The following ZBTB48 variants were observed in gnomAD, a reference collection of about 807,000 sequenced individuals.
ZBTB48 encodes the protein zinc finger and BTB domain-containing protein 48.
Under a neutral mutation model 64.5 loss-of-function variants are expected in ZBTB48, and 35 were observed. The observed-to-expected ratio is 0.54, with a 90% CI of 0.41 to 0.72. The LOEUF (loss-of-function observed/expected upper bound fraction) is 0.72, where lower values mean the gene tolerates loss of function less well. Among genes scored for constraint, ZBTB48 ranks in the 30% least tolerant of loss-of-function variants. ZBTB48 has a pLI of 0.00. For synonymous variants in ZBTB48, 442 were observed against 356.7 expected (o/e 1.24, Z -2.70); for missense variants, 828 against 895.3 (o/e 0.92, Z 0.96).
chr1:6,581,986 G>A, intron 2 of ZBTB48, 72 bp from the exon 3 acceptor site: 1 of 1,589,026 alleles, frequency 6.3e-7, no homozygotes, highest in Middle Eastern at 1.9e-4. Flanking sequence ...GATGGAACTG[G>A]AGCTGGGTCC....
intron 7 of ZBTB48, among the ~76,000 whole-genome samples, 193 bp from the exon 8 acceptor site, chr1:6,587,867 G>T (rs1317930038): frequency 6.6e-6 from 1 of 152,142 alleles, no homozygotes; most frequent in South Asian, 2.1e-4. Context: ...GTGCCCCCGG[G>T]GCAGATTCTG....
chr1:6,583,121 G>T (rs1640530105), intron 3 of ZBTB48, among the ~76,000 whole-genome samples: 2 of 152,114 alleles, frequency 1.3e-5, no homozygotes, highest in Admixed American at 6.6e-5. Flanking sequence ...CTCCCAAATA[G>T]CTGGGATTAC....
rs914655613 is a variant in ZBTB48 at position 6,587,342 on chromosome 1, T to C, written c.1224+51T>C. 8 of 1,612,658 alleles carry C rather than the reference T, an allele frequency of 5.0e-6. No individual in the cohort carries two copies. The Admixed American group carries it at 5.0e-5, about 10-fold the overall frequency. ...GCTTTGATGCTGGCATGAGCAAGAG[T>C]GAGCTGTGCCCAGAGTGGGCAGCCG... On this transcript the variant is annotated intron_variant, in intron 6 of 10. Transcript: ENST00000377674.
intron 3 of ZBTB48, among the ~76,000 whole-genome samples, chr1:6,583,279 A>G (rs984979759): frequency 2.7e-5 from 4 of 148,476 alleles, no homozygotes; most frequent in Non-Finnish European, 4.5e-5. Flanking sequence ...GTGAGCCACC[A>G]TGCTCAGCCT....
rs893541610 is a variant in ZBTB48, at chr1:6,581,320, G to T, written c.690+21G>T. On this transcript the variant is annotated intron_variant, in intron 2 of 10. Coordinates refer to ENST00000377674, the MANE Select transcript of ZBTB48 (RefSeq NM_005341.4). ...ATGAGGTACTGTGCCCAGGGTGTTG[G>T]GACTGGGGAGACAAATAGAGGGAAT... The T allele has an allele frequency of 3.2e-6, 5 of 1,559,978 alleles. No homozygotes were observed. In the African/African-American group the frequency reaches 5.5e-5, roughly 17 times the overall value.
chr1:6,589,022 T>C lies in ZBTB48; in HGVS notation c.1877T>C (p.Val626Ala), dbSNP rs1570182122. Residue 626 changes from valine to alanine, a missense_variant, in exon 11 of 11, where the codon GTG becomes GCG. Transcript: ENST00000377674. Reference protein sequence around the residue: ...LIIEDEKMVVVALQPPAELEV... With the variant: ...LIIEDEKMVVAALQPPAELEV... ...ATCGAGGACGAGAAGATGGTGGTGG[T>C]GGCGCTGCAGCCGCCTGCAGAGCTG... 1.9e-6 allele frequency: 3 copies of C among 1,596,542 alleles called. No homozygotes were observed. The highest frequency in any genetic ancestry group is 1.7e-4 in the Middle Eastern group (1 of 5,954).
chr1:6,580,886 G>A lies in ZBTB48; in HGVS notation c.277G>A (p.Asp93Asn), dbSNP rs376418543. Residue 93 changes from aspartate (D) to asparagine (N), a missense_variant, in exon 2 of 11, where the codon GAT becomes AAT. Asp to Asn is a conservative substitution (Grantham distance 23, BLOSUM62 1). Transcript: ENST00000377674. The surrounding 1 kb of genome is among the most constrained non-coding windows in gnomAD (Gnocchi z 5.2). ...CCTCGCTCTCACCTCAGGGAACCGG[G>A]ATCAGGTGCTCCTGGCAGCCAGGGA... is the stretch of plus-strand genomic sequence containing the variant. ...GHLALTSGNRDQVLLAARELR... is the reference protein window; with the variant it reads ...GHLALTSGNRNQVLLAARELR... 1 of 1,614,140 alleles carries A rather than the reference G, an allele frequency of 6.2e-7. No homozygotes were observed. Among genetic ancestry groups the A allele is most frequent in the Non-Finnish European group, 8.5e-7 (1 of 1,180,058 alleles).
chr1:6,580,577 G>T lies in ZBTB48; in HGVS notation c.-33G>T. 6.3e-7 allele frequency: 1 copy of T among 1,587,332 alleles called. No homozygotes were observed. Among genetic ancestry groups the T allele is most frequent in the Non-Finnish European group, 8.6e-7 (1 of 1,164,016 alleles). ...TGCATACCCTCGCTTAGGCTGGCCG[G>T]GGTGTCACTTCTGCCTCCCTGCCCT... On this transcript the variant is annotated 5_prime_UTR_variant, in exon 2 of 11. Transcript: ENST00000377674. This position sits in a 1 kb window ranked among gnomAD's most constrained non-coding sequence, Gnocchi z 5.2.
chr1:6,583,776 CTTTT>C (rs36102416), intron 3 of ZBTB48, among the ~76,000 whole-genome samples: 2 of 85,886 alleles, frequency 2.3e-5, no homozygotes, highest in Non-Finnish European at 2.3e-5. Flanking sequence ...AATTGTTTTA[CTTTT>C]TTTTTTTTTT....
At position 6,580,852 on chromosome 1, in the gene ZBTB48, C is replaced by T. The variant is rs1457115223; in HGVS notation, c.243C>T (p.Tyr81=). ...TTGGCCTCTTGTTGGACTTTTTCTA[C>T]ACTGGTCACCTCGCTCTCACCTCAG... ...EIFGLLLDFF[Y]TGHLALTSGN... is the part of the protein sequence containing the mutation. The change falls in exon 2 of 11, where the codon TAC becomes TAT. Residue 81 remains tyrosine, a synonymous_variant. Transcript: ENST00000377674. This position sits in a 1 kb window ranked among gnomAD's most constrained non-coding sequence, Gnocchi z 5.2. 4 of 1,614,096 alleles carry T rather than the reference C, an allele frequency of 2.5e-6. No individual in the cohort carries two copies. The highest frequency in any genetic ancestry group is 3.4e-6 in the Non-Finnish European group (4 of 1,180,054).
chr1:6,587,880 C>CTTCCTTAGT (rs905596657), intron 7 of ZBTB48, among the ~76,000 whole-genome samples, 180 bp from the exon 8 acceptor site: 1 of 152,166 alleles, frequency 6.6e-6, no homozygotes, highest in Non-Finnish European at 1.5e-5. Flanking sequence ...AGATTCTGAG[C>CTTCCTTAGT]TTCCTTAGTT....
At position 6,582,142 on chromosome 1, in the gene ZBTB48, A is replaced by C; in HGVS notation, c.775A>C (p.Asn259His). The change falls in exon 3 of 11, where the codon AAT (asparagine) becomes CAT (histidine). Residue 259 changes from asparagine (N) to histidine (H), a missense_variant. Coordinates refer to ENST00000377674, the MANE Select transcript of ZBTB48 (RefSeq NM_005341.4). ...GGCTGTGCTGACCAGGAGGAAGTCA[A>C]ATGTAATCCGAAAGCCCTGTGCAGC... is the stretch of plus-strand genomic sequence containing the variant. ...PEAVLTRRKS[N>H]VIRKPCAAEP... is the part of the protein sequence containing the mutation. 1 of 1,614,174 alleles carries C rather than the reference A, an allele frequency of 6.2e-7. No homozygotes were observed.
chr1:6,582,185 C>A lies in ZBTB48; in HGVS notation c.818C>A (p.Ala273Glu). The A allele has an allele frequency of 2.5e-6, 4 of 1,614,214 alleles. No individual in the cohort carries two copies. The highest frequency in any genetic ancestry group is 3.4e-6 in the Non-Finnish European group (4 of 1,180,034). ...TGTGCAGCTGAGCCAGCCCTGAGCG[C>A]GGGCTCCCTAGCAGCTGAGCCTGCT... ...KPCAAEPALS[A>E]GSLAAEPAEN... Residue 273 changes from alanine to glutamate, a missense_variant, in exon 3 of 11, where the codon GCG becomes GAG. Coordinates refer to ENST00000377674, the MANE Select transcript of ZBTB48 (RefSeq NM_005341.4).
At chr1:6,587,743 C>G in intron 7 of ZBTB48, 111 bp downstream of exon 7, 1 of 1,496,906 alleles carries the variant, frequency 6.7e-7, no homozygotes, top group South Asian at 1.3e-5. Flanking sequence ...TGCCCTTGGC[C>G]TCCACCCTGA....
At position 6,581,230 on chromosome 1, in the gene ZBTB48, C is replaced by G; in HGVS notation, c.621C>G (p.Pro207=). ...LKPCPLEDKK[P]EDCKVPPRPL... Reference sequence around the variant, plus strand: ...CTTGTCCCCTTGAGGACAAGAAACCCGAGGACTGCAAAGTGCCCCCAAGGC... The same window carrying G: ...CTTGTCCCCTTGAGGACAAGAAACCGGAGGACTGCAAAGTGCCCCCAAGGC... Residue 207 remains proline, a synonymous_variant, in exon 2 of 11, where the codon CCC becomes CCG. Transcript: ENST00000377674. 6.2e-7 allele frequency: 1 copy of G among 1,612,926 alleles called. No homozygotes were observed.
Position 6,587,649 on chromosome 1 carries a change from C to T in ZBTB48, c.1379+17C>T. ...CAAGCACAGGTGCGTGTCGCCCGTT[C>T]TCTCTTGGGGCCCAGTCCTGCTGCC... On this transcript the variant is annotated intron_variant, in intron 7 of 10. Transcript: ENST00000377674. 6.2e-7 allele frequency: 1 copy of T among 1,611,474 alleles called. No individual in the cohort carries two copies. Among genetic ancestry groups the T allele is most frequent in the Non-Finnish European group, 8.5e-7 (1 of 1,179,914 alleles).
At chr1:6,586,521 C>T (rs979098400) in intron 4 of ZBTB48, 174 bp from the exon 5 acceptor site, 43 of 1,348,760 alleles carry the variant, frequency 3.2e-5, no homozygotes, top group Middle Eastern at 2.7e-4. Flanking sequence ...GGTGGGCTTG[C>T]AGCACTCAGT....
chr1:6,586,606 C>G (rs1640676474), intron 4 of ZBTB48, 89 bp from the exon 5 acceptor site: 7 of 1,435,562 alleles, frequency 4.9e-6, no homozygotes, highest in South Asian at 1.5e-5. Context: ...CAGACTCTTC[C>G]CAGCAGCAAG....
intron 3 of ZBTB48, among the ~76,000 whole-genome samples, chr1:6,583,291 T>C (rs1156654766): frequency 6.6e-6 from 1 of 151,502 alleles, no homozygotes; most frequent in Non-Finnish European, 1.5e-5. Flanking sequence ...GCTCAGCCTA[T>C]GTTGTTTTTC....
Sources: allele counts gnomAD v4.1 joint callset (sites outside exome capture counted in the v4.1 genomes callset), GRCh38; gene constraint gnomAD v4.1.1; non-coding constraint Gnocchi (gnomAD v3.1); transcripts MANE v1.5; gene names NCBI Gene and HGNC (gene_info 2026-07-23, HGNC 2026-07-21).